The following TRAPPC8 variants were observed in gnomAD, a reference collection of about 807,000 sequenced individuals.
TRAPPC8 encodes general sporulation gene 1 homolog.
TRAPPC8 carries 54 observed loss-of-function variants against 174.3 expected under a neutral mutation model. The ratio of observed to expected loss-of-function variants is 0.31; its 90% CI spans 0.25 to 0.39. The LOEUF (loss-of-function observed/expected upper bound fraction) is 0.39, where lower values mean the gene tolerates loss of function less well. TRAPPC8 is among the 10% of genes least tolerant of loss of function. The pLI, the probability that TRAPPC8 is intolerant of heterozygous loss-of-function variation, is 1.00. For synonymous variants in TRAPPC8, 630 were observed against 579.9 expected (o/e 1.09, Z -1.24); for missense variants, 1,531 against 1,699.1 (o/e 0.90, Z 1.74).
intron 24 of TRAPPC8, among the ~76,000 whole-genome samples, chr18:31,852,191 A>G (rs2033740691): frequency 6.6e-6 from 1 of 152,080 alleles, no homozygotes; most frequent in African/African-American, 2.4e-5. Context: ...AAATAAAAAA[A>G]CTAGCCAGGT....
chr18:31,926,687 A>T (rs756154308), intron 2 of TRAPPC8: 2 of 152,168 alleles, frequency 1.3e-5, no homozygotes, highest in African/African-American at 4.8e-5. Context: ...TCAGCCTCCC[A>T]AAGTGCTGGG....
At chr18:31,873,372 A>G (rs1000234168) in intron 14 of TRAPPC8, 58 bp downstream of exon 14, 195 of 1,389,168 alleles carry the variant, frequency 1.4e-4, no homozygotes, top group Non-Finnish European at 1.9e-4. Context: ...TGGAGAAAGG[A>G]AAAGAAGTTT....
chr18:31,923,489 T>C (rs905091105), intron 2 of TRAPPC8, among the ~76,000 whole-genome samples: 3 of 152,196 alleles, frequency 2.0e-5, no homozygotes, highest in Non-Finnish European at 4.4e-5. Context: ...CTAACATCTA[T>C]TTCTTTAACA....
intron 11 of TRAPPC8, chr18:31,895,634 C>A (rs2036152218): frequency 6.6e-6 from 1 of 152,154 alleles, no homozygotes; most frequent in Non-Finnish European, 1.5e-5. Context: ...ATATTGAAAT[C>A]ATTTAAGCAA....
chr18:31,919,124 G>A (rs959625313), intron 2 of TRAPPC8, among the ~76,000 whole-genome samples: 2 of 152,154 alleles, frequency 1.3e-5, no homozygotes, highest in Non-Finnish European at 2.9e-5. Context: ...TGCCTCATGA[G>A]AATGACCCAT....
At chr18:31,914,813 G>A (rs1405843768) in intron 4 of TRAPPC8, among the ~76,000 whole-genome samples, 1 of 152,070 alleles carries the variant, frequency 6.6e-6, no homozygotes, top group Non-Finnish European at 1.5e-5. Flanking sequence ...TATTTTTCAA[G>A]AATTTATTTT....
chr18:31,837,430 C>CT (rs1022277271), intron 27 of TRAPPC8, among the ~76,000 whole-genome samples: 1 of 152,178 alleles, frequency 6.6e-6, no homozygotes, highest in African/African-American at 2.4e-5. Context: ...AGCGTGGTGG[C>CT]TCACGCCTGT....
At chr18:31,887,080 C>A (rs1348724691) in intron 12 of TRAPPC8, among the ~76,000 whole-genome samples, 1 of 152,146 alleles carries the variant, frequency 6.6e-6, no homozygotes, top group East Asian at 1.9e-4. Context: ...TCATCCCTAC[C>A]AATACAACCC....
chr18:31,866,365 A>G (rs1383616439), intron 18 of TRAPPC8, among the ~76,000 whole-genome samples: 2 of 152,164 alleles, frequency 1.3e-5, no homozygotes, highest in Non-Finnish European at 2.9e-5. Context: ...CATACTGTAT[A>G]GTGCACCAAG....
At chr18:31,918,466 G>A (rs1026741965) in intron 2 of TRAPPC8, among the ~76,000 whole-genome samples, 4 of 152,084 alleles carry the variant, frequency 2.6e-5, no homozygotes, top group Non-Finnish European at 4.4e-5. Flanking sequence ...ATCTGGCAAC[G>A]TCTCAAGATA....
At chr18:31,870,315 A>G in intron 16 of TRAPPC8, 57 bp downstream of exon 16, 3 of 1,501,298 alleles carry the variant, frequency 2.0e-6, no homozygotes, top group Non-Finnish European at 2.7e-6. Context: ...AAATGTTACT[A>G]CAGCATTTGT....
chr18:31,859,226 A>C (rs1280348766), intron 19 of TRAPPC8, among the ~76,000 whole-genome samples: 1 of 152,236 alleles, frequency 6.6e-6, no homozygotes, highest in Non-Finnish European at 1.5e-5. Context: ...TCACTTCATG[A>C]AATTCCAGTG....
chr18:31,887,151 A>C (rs572664680), intron 12 of TRAPPC8, among the ~76,000 whole-genome samples: 2 of 152,344 alleles, frequency 1.3e-5, no homozygotes, highest in South Asian at 4.1e-4. Context: ...TATCCACCAC[A>C]ATCAAGCTGG....
chr18:31,940,550 T>G (rs2038288024), intron 1 of TRAPPC8, among the ~76,000 whole-genome samples: 1 of 128,060 alleles, frequency 7.8e-6, no homozygotes, highest in South Asian at 2.4e-4. Context: ...GTTGTTGTTG[T>G]TTGTTTGGTT....
In TRAPPC8 at chr18:31,917,642, G is replaced by GT; in HGVS notation, c.377dup (p.Tyr126Ter). The change falls in exon 3 of 29, where the codon TAC becomes TAAC. Residue 126 changes from tyrosine (Y) to a stop codon, truncating the protein, a stop_gained and frameshift_variant. Transcript: ENST00000283351. LOFTEE classifies it high-confidence loss of function. The stretch of plus-strand genomic sequence containing the variant: ...GCATCGACTGAAGAAAGGTTTCTCT[G>GT]TAAGACTCAAACCATGGAGTAGTGG... ...ISATTPWFES[Y>*]RETFLQSMPA... 1 of 1,613,162 alleles carries GT rather than the reference G, an allele frequency of 6.2e-7. No individual in the cohort carries two copies. The highest frequency in any genetic ancestry group is 8.5e-7 in the Non-Finnish European group (1 of 1,179,668).
Position 31,908,741 on chromosome 18 carries a change from A to G in TRAPPC8, c.1122+13T>C. 1 of 1,529,160 alleles carries G rather than the reference A, an allele frequency of 6.5e-7. No homozygotes were observed. Among genetic ancestry groups the G allele is most frequent in the Non-Finnish European group, 8.8e-7 (1 of 1,137,466 alleles). The allele number at this position is 1,529,160 out of a possible 1,614,324, so 94.7% of individuals were successfully genotyped here. A position where few individuals can be genotyped will look rare whatever the true frequency, so the allele number is the denominator to read the frequency against. ...AAATTTTTAAAATACTAATCCAAAA[A>G]ATCAAACCTTACCTGATCGTTTAAT... On this transcript the variant is annotated intron_variant, in intron 7 of 28. Coordinates refer to ENST00000283351, the MANE Select transcript of TRAPPC8 (RefSeq NM_014939.5).
At chr18:31,890,711 T>A (rs2035916749) in intron 12 of TRAPPC8, 24 bp downstream of exon 12, 2 of 1,587,772 alleles carry the variant, frequency 1.3e-6, no homozygotes, top group African/African-American at 2.7e-5. Flanking sequence ...TAGCAACTTT[T>A]CATTGTAAAG....
At chr18:31,897,959 C>T (rs2036251624) in intron 10 of TRAPPC8, 68 bp from the exon 11 acceptor site, 5 of 1,338,166 alleles carry the variant, frequency 3.7e-6, no homozygotes, top group South Asian at 1.4e-5. Flanking sequence ...TAAATGTGTT[C>T]AGCAAAAGAT....
intron 24 of TRAPPC8, among the ~76,000 whole-genome samples, chr18:31,850,341 G>T (rs573808858): frequency 4.6e-5 from 7 of 152,180 alleles, no homozygotes; most frequent in Non-Finnish European, 1.0e-4. Context: ...TATCTAGGGA[G>T]AATGAATGGG....
Sources: gnomAD v4.1 joint callset for allele counts (sites outside exome capture counted in the v4.1 genomes callset) on GRCh38, gnomAD v4.1.1 for gene constraint, MANE v1.5 for transcripts, NCBI Gene and HGNC (gene_info 2026-07-23, HGNC 2026-07-21) for gene names.